Variants in COL23A1 observed in about 807,000 individuals in gnomAD.
The protein encoded by COL23A1 is collagen type XXIII alpha 1 chain.
COL23A1 carries 97 observed loss-of-function variants against 99.3 expected under a neutral mutation model. The ratio of observed to expected loss-of-function variants is 0.98; its 90% CI spans 0.83 to 1.16. COL23A1 has a LOEUF of 1.16. Among genes scored for constraint, COL23A1 ranks in the 50% most tolerant of loss-of-function variants. The pLI, the probability that COL23A1 is intolerant of heterozygous loss-of-function variation, is 0.00. For missense variants in COL23A1, 762 were observed against 757.4 expected (o/e 1.01, Z -0.07); for synonymous variants, 320 against 308.2 (o/e 1.04, Z -0.40).
intron 1 of COL23A1, among the ~76,000 whole-genome samples, chr5:178,577,626 G>A (rs1763447174): frequency 6.6e-6 from 1 of 152,228 alleles, no homozygotes; most frequent in Non-Finnish European, 1.5e-5. Flanking sequence ...CCGCTGCCTG[G>A]ATGGGGTCTC....
At chr5:178,477,363 T>A (rs1757088035) in intron 2 of COL23A1, among the ~76,000 whole-genome samples, 1 of 152,194 alleles carries the variant, frequency 6.6e-6, no homozygotes, top group Non-Finnish European at 1.5e-5. Flanking sequence ...GGCATGGATC[T>A]TCCCTGCCCC....
intron 2 of COL23A1, among the ~76,000 whole-genome samples, chr5:178,552,725 A>T (rs201275307): frequency 0.069 from 7,843 of 113,496 alleles, 250 homozygotes; most frequent in African/African-American, 0.14. Context: ...AAAAAAAAAA[A>T]TTTTTTTCAG....
rs1763756082 is a variant in COL23A1 at position 178,387,889 on chromosome 5, G to A, written c.362-80970C>T. On this transcript the variant is annotated intron_variant, in intron 2 of 28. Coordinates refer to ENST00000390654, the MANE Select transcript of COL23A1 (RefSeq NM_173465.4). The surrounding 1 kb of genome is among the most constrained non-coding windows in gnomAD (Gnocchi z 4.7). ...GAGCCAAAAGCAACCTGCCTGCAAG[G>A]CCTCCTCCCAAGATGTGGCAGCTGT... Among the ~76,000 whole-genome samples, 1 of 152,154 alleles carries A rather than the reference G, an allele frequency of 6.6e-6. No individual in the cohort carries two copies. The highest frequency in any genetic ancestry group is 1.5e-5 in the Non-Finnish European group (1 of 68,034).
intron 5 of COL23A1, among the ~76,000 whole-genome samples, chr5:178,272,225 TG>T (rs1478085378): frequency 6.6e-6 from 1 of 152,214 alleles, no homozygotes; most frequent in African/African-American, 2.4e-5. Context: ...TCCTGGCCTC[TG>T]GTTCTGGACA....
At chr5:178,358,387 GTGTA>G (rs1241950693) in intron 2 of COL23A1, among the ~76,000 whole-genome samples, 8 of 138,704 alleles carry the variant, frequency 5.8e-5, no homozygotes, top group Non-Finnish European at 9.6e-5. Flanking sequence ...TGTCTAATGT[GTGTA>G]TGTGTATGTG....
intron 2 of COL23A1, among the ~76,000 whole-genome samples, chr5:178,329,936 CAAAA>C (rs11367167): frequency 3.7e-5 from 5 of 135,374 alleles, no homozygotes; most frequent in Non-Finnish European, 4.8e-5. Context: ...GATTCTGTCT[CAAAA>C]AAAAAAAAAA....
intron 1 of COL23A1, among the ~76,000 whole-genome samples, chr5:178,585,729 T>TGGATGGCGCTGGGGTAATGCC (rs1562115562): frequency 1.0e-3 from 11 of 11,008 alleles, no homozygotes; most frequent in South Asian, 2.6e-3. Context: ...GGGGTAACAC[T>TGGATGGCGCTGGGGTAATGCC]CCACAGCCCT....
At chr5:178,452,843 A>G in intron 2 of COL23A1, among the ~76,000 whole-genome samples, 1 of 152,336 alleles carries the variant, frequency 6.6e-6, no homozygotes, top group South Asian at 2.1e-4. Flanking sequence ...GAACCTTGAT[A>G]ATAAACAATT....
At chr5:178,426,508 C>T (rs111801990) in intron 2 of COL23A1, among the ~76,000 whole-genome samples, 8 of 152,338 alleles carry the variant, frequency 5.3e-5, no homozygotes, top group Middle Eastern at 3.4e-3. Context: ...CACCTGCGAT[C>T]GCGCTCTGTG....
chr5:178,305,691 G>A (rs1758313616), intron 3 of COL23A1, among the ~76,000 whole-genome samples: 1 of 152,200 alleles, frequency 6.6e-6, no homozygotes, highest in Non-Finnish European at 1.5e-5. Flanking sequence ...AGACATAAGA[G>A]TGAAGGCTCA....
At chr5:178,252,919 C>T (rs975643982) in intron 16 of COL23A1, among the ~76,000 whole-genome samples, 2 of 152,190 alleles carry the variant, frequency 1.3e-5, no homozygotes, top group African/African-American at 4.8e-5. Context: ...CTCCCTATTG[C>T]CTCTCAAAGC....
chr5:178,574,941 C>T (rs1019817782), intron 1 of COL23A1, among the ~76,000 whole-genome samples: 1 of 152,194 alleles, frequency 6.6e-6, no homozygotes, highest in Non-Finnish European at 1.5e-5. Context: ...TCTTTTGGGA[C>T]AACTCTTCAT....
intron 2 of COL23A1, among the ~76,000 whole-genome samples, chr5:178,358,703 A>ATG (rs906038195): frequency 7.4e-6 from 1 of 134,982 alleles, no homozygotes; most frequent in Non-Finnish European, 1.6e-5. Context: ...ATGTATGTGT[A>ATG]TGTGTGTATG....
intron 2 of COL23A1, among the ~76,000 whole-genome samples, chr5:178,315,682 G>T (rs996689913): frequency 4.0e-5 from 6 of 151,860 alleles, no homozygotes; most frequent in African/African-American, 1.5e-4. Context: ...GACTGTCAGA[G>T]CTCTTGTCAG....
Position 178,306,712 on chromosome 5 carries a change from G to C in COL23A1, c.406+163C>G, listed in dbSNP as rs545112988. 2.0e-5 allele frequency among the ~76,000 whole-genome samples: 3 copies of C among 152,048 alleles called. No homozygotes were observed. Among genetic ancestry groups the C allele is most frequent in the Non-Finnish European group, 4.4e-5 (3 of 67,988 alleles). On this transcript the variant is annotated intron_variant, in intron 3 of 28. Coordinates refer to ENST00000390654, the MANE Select transcript of COL23A1 (RefSeq NM_173465.4). The surrounding 1 kb of genome is among the most constrained non-coding windows in gnomAD (Gnocchi z 4.1). Reference sequence around the variant, plus strand: ...CCGGAAAGGCAGTACTGGGTGCTGCGGCCTCAGGAAACGGCAGCTGGACTT... The same window carrying C: ...CCGGAAAGGCAGTACTGGGTGCTGCCGCCTCAGGAAACGGCAGCTGGACTT...
chr5:178,338,074 C>T (rs1760447882), intron 2 of COL23A1, among the ~76,000 whole-genome samples: 1 of 152,180 alleles, frequency 6.6e-6, no homozygotes, highest in Non-Finnish European at 1.5e-5. Context: ...TGGGGCCACA[C>T]ATCTTGGGAG....
chr5:178,541,309 C>T (rs1178615419), intron 2 of COL23A1, among the ~76,000 whole-genome samples: 5 of 152,084 alleles, frequency 3.3e-5, no homozygotes, highest in South Asian at 4.1e-4. Context: ...GATTTGGGGC[C>T]GGGCACAGTG....
At chr5:178,516,915 G>A (rs914882213) in intron 2 of COL23A1, among the ~76,000 whole-genome samples, 1 of 152,218 alleles carries the variant, frequency 6.6e-6, no homozygotes, top group African/African-American at 2.4e-5. Context: ...AGTAGCTGGT[G>A]GGAGCGGGCT....
At chr5:178,584,819 C>T (rs6600941) in intron 1 of COL23A1, among the ~76,000 whole-genome samples, 39,992 of 152,016 alleles carry the variant, frequency 0.26, 7,668 homozygotes, top group African/African-American at 0.52. Context: ...AGACTGACTA[C>T]CTTGGTCCTT....
Sources: allele counts gnomAD v4.1 joint callset (sites outside exome capture counted in the v4.1 genomes callset), GRCh38; gene constraint gnomAD v4.1.1; non-coding constraint Gnocchi (gnomAD v3.1); transcripts MANE v1.5; gene names NCBI Gene and HGNC (gene_info 2026-07-23, HGNC 2026-07-21).